Variants in SSH2 observed in about 807,000 individuals in gnomAD.
SSH2 encodes protein phosphatase Slingshot homolog 2.
SSH2 carries 37 observed loss-of-function variants against 135.2 expected under a neutral mutation model. The observed-to-expected ratio is 0.27, with a 90% CI of 0.21 to 0.36. SSH2 has a LOEUF of 0.36. Among genes scored for constraint, SSH2 ranks in the 10% least tolerant of loss-of-function variants. The pLI is 1.00. For synonymous variants in SSH2, 628 were observed against 646.2 expected, an observed-to-expected ratio of 0.97 and a Z score of 0.43; for missense variants, 1,408 against 1,765.3, an observed-to-expected ratio of 0.80 and a Z score of 3.63.
intron 3 of SSH2, among the ~76,000 whole-genome samples, chr17:29,708,215 G>C (rs1019531510): frequency 6.6e-6 from 1 of 152,152 alleles, no homozygotes; most frequent in Admixed American, 6.5e-5. Flanking sequence ...AATAGTAAAA[G>C]ATTTATTATG....
At chr17:29,651,913 T>C (rs1397356808) in intron 12 of SSH2, among the ~76,000 whole-genome samples, 1 of 151,930 alleles carries the variant, frequency 6.6e-6, no homozygotes, top group Admixed American at 6.6e-5. Context: ...GAGGCCGAGG[T>C]GGGCGGATCA....
chr17:29,761,046 G>T, intron 3 of SSH2: 1 of 1,178,980 alleles, frequency 8.5e-7, no homozygotes, highest in Non-Finnish European at 1.1e-6. Context: ...ATGCGCGCTC[G>T]CCCTCGCTTG....
intron 8 of SSH2, among the ~76,000 whole-genome samples, chr17:29,674,566 T>G (rs926120542): frequency 2.0e-5 from 3 of 152,192 alleles, no homozygotes; most frequent in African/African-American, 7.2e-5. Flanking sequence ...GGTCTAAATG[T>G]TGCTTTGATC....
At chr17:29,818,381 TG>T (rs1271475024) in intron 2 of SSH2, among the ~76,000 whole-genome samples, 1 of 152,020 alleles carries the variant, frequency 6.6e-6, no homozygotes, top group Non-Finnish European at 1.5e-5. Flanking sequence ...CCCGAGTAGC[TG>T]GGACTACAGG....
At chr17:29,904,115 A>C (rs879387782) in intron 1 of SSH2, among the ~76,000 whole-genome samples, 3 of 152,168 alleles carry the variant, frequency 2.0e-5, no homozygotes, top group Admixed American at 2.0e-4. Flanking sequence ...TATTCCAAAA[A>C]ATTGAAAAGG....
chr17:29,840,093 T>C (rs1006043747), intron 2 of SSH2, among the ~76,000 whole-genome samples: 1 of 152,224 alleles, frequency 6.6e-6, no homozygotes, highest in Non-Finnish European at 1.5e-5. Flanking sequence ...CTTAAAAATC[T>C]GAGAAAACCT....
intron 2 of SSH2, among the ~76,000 whole-genome samples, chr17:29,808,127 C>CT (rs1362234205): frequency 6.6e-6 from 1 of 152,062 alleles, no homozygotes; most frequent in African/African-American, 2.4e-5. Flanking sequence ...TAAAATGCTT[C>CT]TTTTTTTGTT....
At chr17:29,825,204 A>C (rs2042723654) in intron 2 of SSH2, among the ~76,000 whole-genome samples, 1 of 152,208 alleles carries the variant, frequency 6.6e-6, no homozygotes, top group East Asian at 1.9e-4. Context: ...TCCTATGTGC[A>C]CAATCAAGGA....
chr17:29,848,688 A>C (rs993222952), intron 2 of SSH2, among the ~76,000 whole-genome samples, 161 bp downstream of exon 2: 3 of 150,252 alleles, frequency 2.0e-5, no homozygotes, highest in Non-Finnish European at 4.4e-5. Flanking sequence ...TTATATATAC[A>C]CTCATTCTAA....
At chr17:29,924,627 G>A (rs1020895874) in intron 1 of SSH2, among the ~76,000 whole-genome samples, 6 of 151,782 alleles carry the variant, frequency 4.0e-5, no homozygotes, top group Non-Finnish European at 7.4e-5. Flanking sequence ...ATTATGCCAG[G>A]TACTTGTGGG....
intron 3 of SSH2, among the ~76,000 whole-genome samples, chr17:29,727,273 G>T (rs1432014268): frequency 2.0e-5 from 3 of 152,150 alleles, no homozygotes; most frequent in African/African-American, 7.2e-5. Context: ...AGATGAATGG[G>T]AAATCTGAAG....
intron 3 of SSH2, among the ~76,000 whole-genome samples, chr17:29,786,105 T>C (rs2628166): frequency 0.58 from 88,342 of 152,174 alleles, 27,484 homozygotes; most frequent in African/African-American, 0.81. Context: ...CGCCCGGCCC[T>C]GTTTACTTCT....
intron 3 of SSH2, among the ~76,000 whole-genome samples, chr17:29,726,580 G>A (rs1367633169): frequency 1.3e-5 from 2 of 152,182 alleles, no homozygotes; most frequent in East Asian, 3.8e-4. Context: ...TGAGAATAAA[G>A]AGAATATAGA....
chr17:29,737,296 C>T (rs2040405839), intron 3 of SSH2, among the ~76,000 whole-genome samples: 2 of 152,044 alleles, frequency 1.3e-5, no homozygotes, highest in African/African-American at 4.8e-5. Context: ...TAACAGTCTT[C>T]TGACCATTTT....
chr17:29,653,680 G>T (rs879319434), intron 12 of SSH2, among the ~76,000 whole-genome samples: 1 of 151,928 alleles, frequency 6.6e-6, no homozygotes, highest in Admixed American at 6.6e-5. Flanking sequence ...GCCACCTCCC[G>T]GGTTCAAGCA....
At chr17:29,920,193 G>A (rs570807315) in intron 1 of SSH2, among the ~76,000 whole-genome samples, 16 of 152,288 alleles carry the variant, frequency 1.1e-4, no homozygotes, top group South Asian at 8.3e-4. Context: ...GAGCCACCGC[G>A]CCCAGCTATC....
rs1346516681 is a variant in SSH2 at position 29,680,866 on chromosome 17, G to GT, written c.480-3126dup. On this transcript the variant is annotated intron_variant, in intron 6 of 15. Coordinates refer to ENST00000540801, the MANE Select transcript of SSH2 (RefSeq NM_001282129.2). ...AAGTATAATTTTGAGTATAAATATG[G>GT]TGGGTTGGTAGCCCAATGACAAATC... Among the ~76,000 whole-genome samples the GT allele has an allele frequency of 2.0e-5, 3 of 152,230 alleles. No individual in the cohort carries two copies. In the East Asian group the frequency reaches 5.8e-4, roughly 29 times the overall value.
Position 29,632,787 on chromosome 17 carries a change from G to A in SSH2, c.2407C>T (p.Pro803Ser). 6.2e-7 allele frequency: 1 copy of A among 1,614,138 alleles called. No individual in the cohort carries two copies. Among genetic ancestry groups the A allele is most frequent in the East Asian group, 2.2e-5 (1 of 44,878 alleles). Reference protein sequence around the residue: ...IQLKGDILPNPCHTPKKNSIH... With the variant: ...IQLKGDILPNSCHTPKKNSIH... ...CTGTTCTTCTTTGGTGTATGGCATG[G>A]GTTGGGTAAGATGTCTCCTTTCAGT... The change falls in exon 16 of 16, where the codon CCA becomes TCA. Residue 803 changes from proline (P) to serine (S), a missense_variant. By Grantham distance (74) the Pro-to-Ser change is moderately conservative. This residue lies in a region of SSH2 where 1,080 missense variants were observed against 1,144.5 expected (regional missense o/e 0.94). Coordinates refer to ENST00000540801, the MANE Select transcript of SSH2 (RefSeq NM_001282129.2).
chr17:29,702,582 G>A (rs1022890800), intron 4 of SSH2, among the ~76,000 whole-genome samples: 1 of 152,224 alleles, frequency 6.6e-6, no homozygotes, highest in African/African-American at 2.4e-5. Flanking sequence ...TTGAACCCAG[G>A]AGGTGGAGGT....
Sources: gnomAD v4.1 joint callset for allele counts (sites outside exome capture counted in the v4.1 genomes callset) on GRCh38, gnomAD v4.1.1 for gene constraint, gnomAD v4.1.1 regional missense constraint, MANE v1.5 for transcripts, NCBI Gene and HGNC (gene_info 2026-07-23, HGNC 2026-07-21) for gene names.